Variants in LMX1A observed in about 807,000 individuals in gnomAD.
LMX1A encodes LIM homeobox transcription factor 1-alpha.
In LMX1A, 15 loss-of-function variants were observed where a neutral mutation model predicts 49.1. The ratio of observed to expected loss-of-function variants is 0.31; its 90% CI spans 0.20 to 0.47. The LOEUF is 0.47. Among genes scored for constraint, LMX1A ranks in the 20% least tolerant of loss-of-function variants. The pLI, the probability that LMX1A is intolerant of heterozygous loss-of-function variation, is 1.00. For synonymous variants in LMX1A, 167 were observed against 185.7 expected, an observed-to-expected ratio of 0.90 and a Z score of 0.82; for missense variants, 372 against 475.8, an observed-to-expected ratio of 0.78 and a Z score of 2.03.
chr1:165,244,978 G>A (rs1244791206), intron 4 of LMX1A, among the ~76,000 whole-genome samples: 1 of 152,030 alleles, frequency 6.6e-6, no homozygotes, highest in Non-Finnish European at 1.5e-5. Context: ...ACCAGAAAAG[G>A]GCACACAGCA....
chr1:165,214,747 T>C (rs1336518678), intron 4 of LMX1A, among the ~76,000 whole-genome samples: 1 of 152,228 alleles, frequency 6.6e-6, no homozygotes, highest in Non-Finnish European at 1.5e-5. Context: ...TAACTCAGAA[T>C]GGACAGGTAA....
chr1:165,281,468 G>A (rs139587105), intron 3 of LMX1A, among the ~76,000 whole-genome samples: 1 of 152,298 alleles, frequency 6.6e-6, no homozygotes, highest in African/African-American at 2.4e-5. Flanking sequence ...GTGGAGTCCA[G>A]GAAACACATT....
chr1:165,203,975 A>T lies in LMX1A; in HGVS notation c.1054T>A (p.Phe352Ile). Residue 352 changes from phenylalanine (F) to isoleucine (I), a missense_variant, in exon 9 of 9, where the codon TTC becomes ATC. By Grantham distance (21) the Phe-to-Ile change is conservative. This residue lies in a region of LMX1A where 127 missense variants were observed against 138.0 expected (regional missense o/e 0.92). Coordinates refer to ENST00000342310, the MANE Select transcript of LMX1A (RefSeq NM_177398.4). ...DTSLSNLGDC[F>I]LATSEAGPLQ... ...GGCCCAGCTTCTGAGGTTGCTAGGA[A>T]ACAATCACCCAGGTTACTGAGGGAG... The T allele has an allele frequency of 6.2e-7, 1 of 1,614,134 alleles. No homozygotes were observed. Among genetic ancestry groups the T allele is most frequent in the Non-Finnish European group, 8.5e-7 (1 of 1,180,006 alleles).
chr1:165,212,157 T>C (rs1217776838), intron 5 of LMX1A, among the ~76,000 whole-genome samples: 1 of 152,234 alleles, frequency 6.6e-6, no homozygotes, highest in Non-Finnish European at 1.5e-5. Flanking sequence ...GAAGTTGTGA[T>C]AGGCTGGACT....
chr1:165,342,109 A>G (rs1656094656), intron 3 of LMX1A, among the ~76,000 whole-genome samples: 2 of 152,256 alleles, frequency 1.3e-5, no homozygotes, highest in Non-Finnish European at 2.9e-5. Context: ...GAGAAATAAT[A>G]CAATACAGGA....
At chr1:165,317,649 C>T (rs875821) in intron 3 of LMX1A, among the ~76,000 whole-genome samples, 19,458 of 152,118 alleles carry the variant, frequency 0.13, 1,479 homozygotes, top group African/African-American at 0.2. Flanking sequence ...GGGCTCCAGG[C>T]CCAGAAGATT....
At chr1:165,208,195 G>T in intron 6 of LMX1A, 63 bp from the exon 7 acceptor site, 6 of 1,493,564 alleles carry the variant, frequency 4.0e-6, no homozygotes, top group Admixed American at 1.7e-5. Context: ...ACAAAGTAAG[G>T]GGGGGCCTGG....
chr1:165,302,676 G>A (rs1229914491), intron 3 of LMX1A, among the ~76,000 whole-genome samples: 3 of 152,150 alleles, frequency 2.0e-5, no homozygotes, highest in Admixed American at 6.5e-5. Context: ...TAATGAAGAC[G>A]AATGACACAG....
At chr1:165,349,532 A>C (rs1656350512) in intron 3 of LMX1A, among the ~76,000 whole-genome samples, 1 of 152,208 alleles carries the variant, frequency 6.6e-6, no homozygotes, top group South Asian at 2.1e-4. Context: ...CAATTTTTCC[A>C]TGTTGACATG....
intron 4 of LMX1A, among the ~76,000 whole-genome samples, chr1:165,247,054 C>CTTGTTTTTTTTTTTTT (rs1652875442): frequency 1.9e-5 from 1 of 53,228 alleles, no homozygotes; most frequent in Non-Finnish European, 3.3e-5. Flanking sequence ...TCAGCTTTTT[C>CTTGTTTTTTTTTTTTT]TTTTTTTTTT....
chr1:165,308,933 C>T (rs1172813143), intron 3 of LMX1A, among the ~76,000 whole-genome samples: 1 of 152,104 alleles, frequency 6.6e-6, no homozygotes, highest in African/African-American at 2.4e-5. Context: ...GGTTATTGGT[C>T]CTTCCCCCTC....
chr1:165,279,455 C>T (rs901292484), intron 3 of LMX1A, among the ~76,000 whole-genome samples: 1 of 139,210 alleles, frequency 7.2e-6, no homozygotes, highest in Non-Finnish European at 1.6e-5. Flanking sequence ...CACAAGGGAA[C>T]TTGAGAGAAG....
chr1:165,261,362 A>G (rs1166312902), intron 3 of LMX1A, among the ~76,000 whole-genome samples: 1 of 152,162 alleles, frequency 6.6e-6, no homozygotes, highest in Non-Finnish European at 1.5e-5. Flanking sequence ...TACCCCTTAC[A>G]ATGGCTACTT....
At chr1:165,296,123 C>T (rs541764853) in intron 3 of LMX1A, among the ~76,000 whole-genome samples, 25 of 152,294 alleles carry the variant, frequency 1.6e-4, no homozygotes, top group African/African-American at 5.8e-4. Context: ...TCCCCTCCTT[C>T]GTCTATCACA....
chr1:165,247,023 G>T (rs533605897), intron 4 of LMX1A, among the ~76,000 whole-genome samples: 2 of 112,394 alleles, frequency 1.8e-5, no homozygotes, highest in Admixed American at 1.1e-4. Context: ...CTATTAATCT[G>T]TAAATGTTAC....
intron 3 of LMX1A, among the ~76,000 whole-genome samples, chr1:165,311,917 G>T (rs1655088943): frequency 6.6e-6 from 1 of 152,200 alleles, no homozygotes; most frequent in South Asian, 2.1e-4. Context: ...TCGCAGCTTT[G>T]CAGTGACCCA....
intron 4 of LMX1A, among the ~76,000 whole-genome samples, chr1:165,219,855 T>C (rs1010645285): frequency 4.6e-5 from 7 of 152,162 alleles, no homozygotes; most frequent in African/African-American, 1.2e-4. Flanking sequence ...CTCTCACAGA[T>C]ATATGTGATT....
intron 3 of LMX1A, among the ~76,000 whole-genome samples, chr1:165,259,975 G>A (rs1571185397): frequency 6.6e-6 from 1 of 152,176 alleles, no homozygotes; most frequent in South Asian, 2.1e-4. Context: ...AAAGACTGTG[G>A]TGAAAGTGTG....
chr1:165,278,606 A>G (rs1654042898), intron 3 of LMX1A, among the ~76,000 whole-genome samples: 1 of 151,764 alleles, frequency 6.6e-6, no homozygotes, highest in Admixed American at 6.6e-5. Flanking sequence ...GTCTTTCTGA[A>G]CCTCACTTGC....
Sources: gnomAD v4.1 joint callset for allele counts (sites outside exome capture counted in the v4.1 genomes callset) on GRCh38, gnomAD v4.1.1 for gene constraint, gnomAD v4.1.1 regional missense constraint, MANE v1.5 for transcripts, NCBI Gene and HGNC (gene_info 2026-07-23, HGNC 2026-07-21) for gene names.